The following TEAD4 variants were observed in gnomAD, a reference collection of about 807,000 sequenced individuals.
The protein encoded by TEAD4 is transcriptional enhancer factor TEF-3.
TEAD4 carries 36 observed loss-of-function variants against 52.4 expected under a neutral mutation model. The observed-to-expected ratio is 0.69, with a 90% CI of 0.53 to 0.91. The LOEUF (loss-of-function observed/expected upper bound fraction) is 0.91, where lower values mean the gene tolerates loss of function less well. TEAD4 is among the 40% of genes least tolerant of loss of function. The probability of loss-of-function intolerance (pLI) is 0.00; values close to 1 mark genes in which losing one functional copy is unlikely to be tolerated. For missense variants in TEAD4, 508 were observed against 583.9 expected (o/e 0.87, Z 1.34); for synonymous variants, 220 against 231.0 (o/e 0.95, Z 0.43).
At chr12:2,985,808 G>T (rs956917602) in intron 2 of TEAD4, among the ~76,000 whole-genome samples, 1 of 152,014 alleles carries the variant, frequency 6.6e-6, no homozygotes, top group African/African-American at 2.4e-5. Flanking sequence ...CATACCAGCC[G>T]GGCGTGGTGG....
intron 10 of TEAD4, among the ~76,000 whole-genome samples, chr12:3,032,060 G>A (rs937382167): frequency 1.3e-5 from 2 of 152,192 alleles, no homozygotes; most frequent in Non-Finnish European, 2.9e-5. Flanking sequence ...CAGCCCCTTG[G>A]GCTTCTTGGG....
intron 2 of TEAD4, among the ~76,000 whole-genome samples, chr12:2,963,071 GGAGCCA>G (rs1176008324): frequency 1.3e-5 from 2 of 152,208 alleles, no homozygotes; most frequent in East Asian, 3.8e-4. Flanking sequence ...TTCTGGGGAA[GGAGCCA>G]TCTCACTGTA....
At position 3,040,587 on chromosome 12, in the gene TEAD4, G is replaced by T; in HGVS notation, c.*109G>T. On this transcript the variant is annotated 3_prime_UTR_variant, in exon 13 of 13. Coordinates refer to ENST00000359864, the MANE Select transcript of TEAD4 (RefSeq NM_003213.4). The stretch of plus-strand genomic sequence containing the variant: ...TGAAGTGCCAAGAGAGCTGAGAGGA[G>T]CAGTTGTGACTCTACCCAGGAACAA... 1.0e-6 allele frequency: 1 copy of T among 978,918 alleles called. No homozygotes were observed. The allele number at this position is 978,918 out of a possible 1,614,324, so 60.6% of individuals were successfully genotyped here.
intron 2 of TEAD4, among the ~76,000 whole-genome samples, chr12:2,971,978 A>G (rs915544239): frequency 4.0e-5 from 6 of 149,986 alleles, no homozygotes; most frequent in Non-Finnish European, 7.4e-5. Context: ...ATGCCCGGCT[A>G]TTTTTTGCAT....
At chr12:2,991,998 TG>T (rs63369063) in intron 2 of TEAD4, among the ~76,000 whole-genome samples, 11,155 of 131,900 alleles carry the variant, frequency 0.085, 547 homozygotes, top group African/African-American at 0.13. Context: ...TGGTGGGGGT[TG>T]GGGGGGGCGG....
chr12:2,993,347 T>A (rs2098244671), intron 2 of TEAD4, among the ~76,000 whole-genome samples: 1 of 152,272 alleles, frequency 6.6e-6, no homozygotes, highest in South Asian at 2.1e-4. Flanking sequence ...GTAAAAAAAA[T>A]TTTTAGTAGA....
intron 2 of TEAD4, chr12:2,960,331 G>A: frequency 1.0e-6 from 1 of 985,596 alleles, no homozygotes. Flanking sequence ...CCCTTTTCGA[G>A]CCTGGAAGGG....
At chr12:3,021,588 G>A (rs1463877185) in intron 9 of TEAD4, among the ~76,000 whole-genome samples, 1 of 152,190 alleles carries the variant, frequency 6.6e-6, no homozygotes, top group East Asian at 1.9e-4. Flanking sequence ...TGGGATTACC[G>A]GTGTGAGCCG....
chr12:2,966,463 T>C (rs928955647), intron 2 of TEAD4, among the ~76,000 whole-genome samples: 1 of 150,846 alleles, frequency 6.6e-6, no homozygotes, highest in Non-Finnish European at 1.5e-5. Context: ...CAGGCTGGAG[T>C]GCAGTGGCGT....
chr12:2,980,067 A>G (rs1308357399), intron 2 of TEAD4, among the ~76,000 whole-genome samples: 3 of 152,160 alleles, frequency 2.0e-5, no homozygotes, highest in Non-Finnish European at 4.4e-5. Flanking sequence ...TGTGTGGCAG[A>G]AAAGTGCAGG....
At chr12:2,991,900 G>A (rs2098243287) in intron 2 of TEAD4, among the ~76,000 whole-genome samples, 1 of 151,942 alleles carries the variant, frequency 6.6e-6, no homozygotes, top group Non-Finnish European at 1.5e-5. Flanking sequence ...CTGCACCTTG[G>A]CCTCACTGCG....
intron 8 of TEAD4, among the ~76,000 whole-genome samples, chr12:3,020,220 C>G (rs901986430): frequency 3.3e-5 from 5 of 152,240 alleles, no homozygotes; most frequent in Non-Finnish European, 7.3e-5. Flanking sequence ...CAGGAAACGT[C>G]CCCGTCTCTC....
chr12:2,977,244 G>A (rs140800898), intron 2 of TEAD4, among the ~76,000 whole-genome samples: 5 of 152,294 alleles, frequency 3.3e-5, no homozygotes, highest in African/African-American at 4.8e-5. Context: ...GAGCTCAGGC[G>A]TCTTGAGTCC....
At chr12:2,969,170 G>A (rs899599238) in intron 2 of TEAD4, among the ~76,000 whole-genome samples, 13 of 152,296 alleles carry the variant, frequency 8.5e-5, no homozygotes, top group Admixed American at 4.6e-4. Flanking sequence ...ACCCTGGATC[G>A]ACAGTGTTCA....
At position 2,998,490 on chromosome 12, in the gene TEAD4, C is replaced by T. The variant is rs139635588; in HGVS notation, c.226+3498C>T. Reference sequence around the variant, plus strand: ...GGCCGTGTTGGCATCTCGGATGCTGCTCCTCCCCTGTGCTGAGACCCAGGG... The same window carrying T: ...GGCCGTGTTGGCATCTCGGATGCTGTTCCTCCCCTGTGCTGAGACCCAGGG... On this transcript the variant is annotated intron_variant, in intron 3 of 12. Coordinates refer to ENST00000359864, the MANE Select transcript of TEAD4 (RefSeq NM_003213.4). 9.6e-3 allele frequency among the ~76,000 whole-genome samples: 1,452 copies of T among 150,544 alleles called. 22 individuals are homozygous for T. The highest frequency in any genetic ancestry group is 0.033 in the African/African-American group (1,366 of 40,866).
chr12:3,008,383 C>T (rs923918423), intron 3 of TEAD4, among the ~76,000 whole-genome samples: 12 of 152,038 alleles, frequency 7.9e-5, no homozygotes, highest in African/African-American at 2.7e-4. Flanking sequence ...TAGGATGGAT[C>T]GGGTAGACTA....
Position 3,014,595 on chromosome 12 carries a change from C to T in TEAD4, c.354+2363C>T, listed in dbSNP as rs368286512. On this transcript the variant is annotated intron_variant, in intron 5 of 12. Transcript: ENST00000359864. ...CTGGGTCCTAGGCCTGGCTCTGCCC[C>T]GTGGCCGTGAGTGCTTGGGCAGAGT... 3.3e-3 allele frequency among the ~76,000 whole-genome samples: 499 copies of T among 152,332 alleles called. 3 individuals carry two copies. Among genetic ancestry groups the T allele is most frequent in the African/African-American group, 9.7e-3 (403 of 41,572 alleles).
intron 10 of TEAD4, among the ~76,000 whole-genome samples, chr12:3,032,338 C>A (rs146977956): frequency 1.3e-5 from 2 of 152,118 alleles, no homozygotes; most frequent in Non-Finnish European, 2.9e-5. Flanking sequence ...ACGGACCCAG[C>A]GCGGCCCTCG....
intron 9 of TEAD4, among the ~76,000 whole-genome samples, chr12:3,021,606 C>T (rs1000287189): frequency 2.0e-5 from 3 of 152,148 alleles, no homozygotes; most frequent in African/African-American, 7.2e-5. Flanking sequence ...CCGCCGCACC[C>T]GGCTCAGACT....
Sources: allele counts gnomAD v4.1 joint callset (sites outside exome capture counted in the v4.1 genomes callset), GRCh38; gene constraint gnomAD v4.1.1; transcripts MANE v1.5; gene names NCBI Gene and HGNC (gene_info 2026-07-23, HGNC 2026-07-21).